FAM185A: variants seen among roughly 807,000 people sequenced by gnomAD.
FAM185A encodes protein FAM185A.
In FAM185A, 21 loss-of-function variants were observed where a neutral mutation model predicts 45.7. That is an observed-to-expected ratio of 0.46 (90% CI 0.33 to 0.66). FAM185A has a LOEUF of 0.66. FAM185A is among the 30% of genes least tolerant of loss of function. The probability of loss-of-function intolerance (pLI) is 0.03; values close to 1 mark genes in which losing one functional copy is unlikely to be tolerated. For synonymous variants in FAM185A, 117 were observed against 194.0 expected, an observed-to-expected ratio of 0.60 and a Z score of 3.30; for missense variants, 305 against 485.4, an observed-to-expected ratio of 0.63 and a Z score of 3.49.
intron 7 of FAM185A, among the ~76,000 whole-genome samples, chr7:102,800,146 A>G (rs1796698055): frequency 6.6e-6 from 1 of 152,134 alleles, no homozygotes; most frequent in South Asian, 2.1e-4. Flanking sequence ...ATCAGAAGAG[A>G]GATAACAATC....
chr7:102,757,392 A>G (rs1176590165), intron 2 of FAM185A, among the ~76,000 whole-genome samples: 3 of 152,246 alleles, frequency 2.0e-5, no homozygotes, highest in Admixed American at 6.5e-5. Context: ...GGAAAAATGT[A>G]ATACTTATCT....
the FAM185A span, among the ~76,000 whole-genome samples, chr7:102,834,086 A>G: frequency 0.023 from 2,100 of 91,596 alleles, 31 homozygotes; most frequent in East Asian, 0.049. Flanking sequence ...GGAAGGAAAG[A>G]AAAGAAAGAA....
chr7:102,812,903 C>T (rs927742168), downstream of FAM185A, among the ~76,000 whole-genome samples: 8 of 145,050 alleles, frequency 5.5e-5, no homozygotes, highest in African/African-American at 1.6e-4. Flanking sequence ...AATGCAGTGA[C>T]GTGATCTAGG....
At chr7:102,816,737 T>C in the FAM185A span, among the ~76,000 whole-genome samples, 1 of 152,210 alleles carries the variant, frequency 6.6e-6, no homozygotes, top group African/African-American at 2.4e-5. Context: ...TAATGCCCAG[T>C]AGGTACTTTG....
chr7:102,813,469 G>T (rs752569090), downstream of FAM185A: 2 of 1,614,186 alleles, frequency 1.2e-6, no homozygotes, highest in Non-Finnish European at 1.7e-6. Context: ...AAACCAACGT[G>T]GAGGGTCATT....
At chr7:102,822,931 AC>A in the FAM185A span, among the ~76,000 whole-genome samples, 14 of 152,092 alleles carry the variant, frequency 9.2e-5, no homozygotes, top group African/African-American at 3.4e-4. Flanking sequence ...GCATGGTGGC[AC>A]GTGCCTGTAG....
At chr7:102,836,501 G>A in the FAM185A span, among the ~76,000 whole-genome samples, 18 of 152,194 alleles carry the variant, frequency 1.2e-4, no homozygotes, top group Admixed American at 2.0e-4. Flanking sequence ...TACTTCTATC[G>A]ATGCTGCTGA....
chr7:102,830,604 C>G, the FAM185A span, among the ~76,000 whole-genome samples: 1 of 152,266 alleles, frequency 6.6e-6, no homozygotes, highest in Non-Finnish European at 1.5e-5. Flanking sequence ...TTAGTTTTGT[C>G]ACGGTTTACC....
chr7:102,841,076 A>C, the FAM185A span, among the ~76,000 whole-genome samples: 1 of 152,194 alleles, frequency 6.6e-6, no homozygotes, highest in Non-Finnish European at 1.5e-5. Context: ...GACATGCCAC[A>C]GGCCCTTGGT....
At chr7:102,805,628 T>C (rs975214725) in intron 7 of FAM185A, among the ~76,000 whole-genome samples, 2 of 151,962 alleles carry the variant, frequency 1.3e-5, no homozygotes, top group Non-Finnish European at 2.9e-5. Context: ...AAATTACAAC[T>C]AAAGAACTTA....
intron 6 of FAM185A, among the ~76,000 whole-genome samples, chr7:102,783,654 A>C (rs1412191215): frequency 6.6e-6 from 1 of 152,052 alleles, no homozygotes; most frequent in African/African-American, 2.4e-5. Context: ...AGATACCAGA[A>C]TCTCTGGTAT....
intron 4 of FAM185A, among the ~76,000 whole-genome samples, chr7:102,763,765 G>T (rs1794233318): frequency 6.6e-6 from 1 of 152,180 alleles, no homozygotes; most frequent in African/African-American, 2.4e-5. Flanking sequence ...TATGATGTGG[G>T]ATCTGGATGA....
At chr7:102,826,769 A>ATATATATATG in the FAM185A span, among the ~76,000 whole-genome samples, 733 of 100,638 alleles carry the variant, frequency 7.3e-3, 43 homozygotes, top group Non-Finnish European at 8.6e-3. Context: ...ATATATATAT[A>ATATATATATG]TATGTATATA....
chr7:102,825,423 CAG>C, the FAM185A span, among the ~76,000 whole-genome samples: 4 of 152,214 alleles, frequency 2.6e-5, no homozygotes, highest in African/African-American at 7.2e-5. Flanking sequence ...TGGAATTCTG[CAG>C]AGAGTCCTTG....
the FAM185A span, among the ~76,000 whole-genome samples, chr7:102,849,856 G>A: frequency 6.6e-6 from 1 of 152,074 alleles, no homozygotes; most frequent in Non-Finnish European, 1.5e-5. Context: ...AAAGAAGGAT[G>A]AGAAATGATG....
At chr7:102,845,353 A>AC in the FAM185A span, among the ~76,000 whole-genome samples, 1 of 152,140 alleles carries the variant, frequency 6.6e-6, no homozygotes, top group East Asian at 1.9e-4. Context: ...GATACCTATT[A>AC]CCCCTATTGC....
At chr7:102,762,164 A>G (rs1248581267) in intron 4 of FAM185A, among the ~76,000 whole-genome samples, 2 of 152,162 alleles carry the variant, frequency 1.3e-5, no homozygotes, top group African/African-American at 4.8e-5. Flanking sequence ...TTTTGCGTGT[A>G]TTTGTACTGG....
chr7:102,816,756 C>T, the FAM185A span, among the ~76,000 whole-genome samples: 1,280 of 152,288 alleles, frequency 8.4e-3, 22 homozygotes, highest in African/African-American at 0.029. Context: ...TGTTAACCCT[C>T]GCCATCCTCC....
intron 4 of FAM185A, among the ~76,000 whole-genome samples, chr7:102,762,299 G>A (rs1445259671): frequency 1.3e-5 from 2 of 152,196 alleles, no homozygotes; most frequent in Non-Finnish European, 2.9e-5. Flanking sequence ...AAGAAAATAA[G>A]AGTATAATGA....
Sources: gnomAD v4.1 joint callset for allele counts (sites outside exome capture counted in the v4.1 genomes callset) on GRCh38, gnomAD v4.1.1 for gene constraint, MANE v1.5 for transcripts, NCBI Gene and HGNC (gene_info 2026-07-23, HGNC 2026-07-21) for gene names.